RUNX1T1: variants seen among roughly 807,000 people sequenced by gnomAD.
The protein encoded by RUNX1T1 is protein CBFA2T1.
In RUNX1T1, 4 loss-of-function variants were observed where a neutral mutation model predicts 62.8. The observed-to-expected ratio is 0.06, with a 90% CI of 0.03 to 0.15. The LOEUF is 0.15. RUNX1T1 is among the 10% of genes least tolerant of loss of function. The probability of loss-of-function intolerance (pLI) is 1.00; values close to 1 mark genes in which losing one functional copy is unlikely to be tolerated. For missense variants in RUNX1T1, 508 were observed against 754.3 expected (o/e 0.67, Z 3.82); for synonymous variants, 291 against 286.0 (o/e 1.02, Z -0.18).
Position 92,081,335 on chromosome 8 carries a change from A to G in RUNX1T1, c.-85-5198T>C, listed in dbSNP as rs1397050537. The G allele has an allele frequency of 1.5e-5, 10 of 655,294 alleles. No homozygotes were observed. The South Asian group carries it at 6.8e-4, about 45-fold the overall frequency. The allele number at this position is 655,294 out of a possible 1,614,324, so 40.6% of individuals were successfully genotyped here. On this transcript the variant is annotated intron_variant, in intron 1 of 11. Transcript: ENST00000265814. ...ACCTATTTTAATATAATTAAATATG[A>G]AATAAATGAAAGCAAAGGTCACTAC...
chr8:92,073,819 C>A (rs866110806), intron 2 of RUNX1T1, among the ~76,000 whole-genome samples: 5 of 152,184 alleles, frequency 3.3e-5, no homozygotes, highest in Non-Finnish European at 5.9e-5. Context: ...ACTTTAGCCT[C>A]CCAAGTAGCT....
chr8:92,010,179 T>G (rs1166741194), intron 4 of RUNX1T1: 2 of 152,208 alleles, frequency 1.3e-5, no homozygotes, highest in Non-Finnish European at 2.9e-5. Flanking sequence ...AATCAGAGGC[T>G]TCCTTGAGTG....
At chr8:92,022,359 T>G (rs571085692) in intron 1 of RUNX1T1, among the ~76,000 whole-genome samples, 95 of 152,286 alleles carry the variant, frequency 6.2e-4, no homozygotes, top group Non-Finnish European at 9.3e-4. Flanking sequence ...TGCAACTAAC[T>G]TATATAGAAT....
chr8:92,035,295 CAA>C (rs746841942), intron 1 of RUNX1T1, among the ~76,000 whole-genome samples: 8 of 27,504 alleles, frequency 2.9e-4, no homozygotes, highest in Non-Finnish European at 3.6e-4. Context: ...AATTCCATTT[CAA>C]AAAAAAAAAA....
chr8:91,969,424 C>T (rs898474369), intron 10 of RUNX1T1, among the ~76,000 whole-genome samples: 3 of 152,128 alleles, frequency 2.0e-5, no homozygotes, highest in South Asian at 2.1e-4. Context: ...CTGTGCCTCA[C>T]GATATTGCTC....
chr8:92,033,962 C>G (rs959099929), intron 1 of RUNX1T1, among the ~76,000 whole-genome samples: 1 of 151,396 alleles, frequency 6.6e-6, no homozygotes, highest in African/African-American at 2.4e-5. Context: ...GAGCGAGACT[C>G]TGTCTCAAAA....
upstream of RUNX1T1, among the ~76,000 whole-genome samples, chr8:92,064,136 C>A (rs1392633244): frequency 6.6e-6 from 1 of 152,152 alleles, no homozygotes; most frequent in African/African-American, 2.4e-5. Context: ...AGAGTGCACA[C>A]AACCTGTTTC....
chr8:91,992,520 A>G (rs1222220030), intron 5 of RUNX1T1, among the ~76,000 whole-genome samples: 1 of 152,232 alleles, frequency 6.6e-6, no homozygotes, highest in Non-Finnish European at 1.5e-5. Flanking sequence ...GCACAGATAC[A>G]TAACATTTCC....
At chr8:92,098,395 T>C (rs1586039621) in intron 1 of RUNX1T1, among the ~76,000 whole-genome samples, 1 of 152,230 alleles carries the variant, frequency 6.6e-6, no homozygotes, top group African/African-American at 2.4e-5. Flanking sequence ...ATGTTTTATA[T>C]GCATAAGCTA....
chr8:92,098,828 G>A (rs1372019430), intron 1 of RUNX1T1, among the ~76,000 whole-genome samples: 6 of 152,194 alleles, frequency 3.9e-5, no homozygotes, highest in African/African-American at 1.4e-4. Context: ...ACTGGAAATG[G>A]TGCAAAGTAG....
At chr8:92,007,967 C>CAAAAAAAAAAAAAAA in intron 4 of RUNX1T1, among the ~76,000 whole-genome samples, 1 of 85,360 alleles carries the variant, frequency 1.2e-5, no homozygotes, top group Admixed American at 1.4e-4. Flanking sequence ...GACTTTGTTT[C>CAAAAAAAAAAAAAAA]AAAAAAAAAA....
intron 1 of RUNX1T1, among the ~76,000 whole-genome samples, chr8:92,078,201 T>TA (rs753291234): frequency 2.3e-3 from 306 of 135,030 alleles, no homozygotes; most frequent in African/African-American, 5.5e-3. Context: ...AAAGGGTAAC[T>TA]AAAAAAAAAA....
intron 1 of RUNX1T1, among the ~76,000 whole-genome samples, chr8:92,092,081 A>G (rs971446831): frequency 1.3e-5 from 2 of 152,158 alleles, no homozygotes; most frequent in African/African-American, 4.8e-5. Context: ...CCACAAGCCC[A>G]CCAAACTGCA....
chr8:91,978,508 C>T lies in RUNX1T1; in HGVS notation c.1199-2535G>A, dbSNP rs1814485227. Among the ~76,000 whole-genome samples the T allele has an allele frequency of 1.3e-5, 2 of 151,894 alleles. 1 individual carries two copies. Among genetic ancestry groups the T allele is most frequent in the South Asian group, 4.2e-4 (2 of 4,804 alleles). On this transcript the variant is annotated intron_variant, in intron 8 of 10. Transcript: ENST00000396218. ...ATCTTTTCTCTCAATGTTAAAAATC[C>T]AAATACCACAAATTTTGAAGAGAAC... is the stretch of plus-strand genomic sequence containing the variant.
chr8:92,021,740 G>T (rs1422522140), intron 1 of RUNX1T1, among the ~76,000 whole-genome samples: 1 of 151,886 alleles, frequency 6.6e-6, no homozygotes, highest in Non-Finnish European at 1.5e-5. Flanking sequence ...CCCTAGCACT[G>T]TGCCTACTTA....
intron 8 of RUNX1T1, among the ~76,000 whole-genome samples, chr8:91,978,458 A>T (rs1814469226): frequency 6.6e-6 from 1 of 152,152 alleles, no homozygotes; most frequent in Non-Finnish European, 1.5e-5. Flanking sequence ...AAGAATGGCT[A>T]TATAATTATT....
intron 3 of RUNX1T1, among the ~76,000 whole-genome samples, 178 bp from the exon 5 acceptor site, chr8:92,011,269 C>T (rs112081535): frequency 3.0e-3 from 460 of 152,290 alleles, no homozygotes; most frequent in Non-Finnish European, 5.4e-3. Context: ...CAGTTTATTG[C>T]ATCACTCACT....
intron 10 of RUNX1T1, among the ~76,000 whole-genome samples, chr8:91,964,204 AT>A (rs1732591969): frequency 6.6e-6 from 1 of 152,148 alleles, no homozygotes; most frequent in Non-Finnish European, 1.5e-5. Context: ...TCAAATCAGC[AT>A]TTCTCTTTGT....
rs541722339 is a variant in RUNX1T1, at chr8:92,033,683, A to T, written c.8-16320T>A. 2.6e-4 allele frequency among the ~76,000 whole-genome samples: 40 copies of T among 152,168 alleles called. No individual in the cohort carries two copies. The East Asian group carries it at 5.8e-3, about 22-fold the overall frequency. On this transcript the variant is annotated intron_variant, in intron 1 of 10. Transcript: ENST00000396218. The stretch of plus-strand genomic sequence containing the variant: ...TGCCCAGCTAAATACAAAAATTAAA[A>T]TTTTTTGGCTGGGTGCGGTGGCTCA...
Sources: gnomAD v4.1 joint callset for allele counts (sites outside exome capture counted in the v4.1 genomes callset) on GRCh38, gnomAD v4.1.1 for gene constraint, MANE v1.5 for transcripts, NCBI Gene and HGNC (gene_info 2026-07-23, HGNC 2026-07-21) for gene names.